The following SUSD3 variants were observed in gnomAD, a reference collection of about 807,000 sequenced individuals.
The protein encoded by SUSD3 is sushi domain-containing protein 3.
A neutral mutation model predicts 20.6 loss-of-function variants in SUSD3; 18 were observed. That is an observed-to-expected ratio of 0.87 (90% confidence interval 0.60 to 1.30). SUSD3 has a LOEUF of 1.30. Among genes scored for constraint, SUSD3 ranks in the 50% most tolerant of loss-of-function variants. The pLI is 0.00. For missense variants in SUSD3, 306 were observed against 346.9 expected, an observed-to-expected ratio of 0.88 and a Z score of 0.94; for synonymous variants, 137 against 141.5, an observed-to-expected ratio of 0.97 and a Z score of 0.23.
chr9:93,079,689 T>G lies in SUSD3; in HGVS notation c.557+87T>G, dbSNP rs1317385329. On this transcript the variant is annotated intron_variant, in intron 4 of 4. Transcript: ENST00000375472. ...CGGGCCACCTGCTGCTCCCACACGC[T>G]GAGAGCCTGCTGCTCCCACACGCCT... 3 of 1,466,570 alleles carry G rather than the reference T, an allele frequency of 2.0e-6. No homozygotes were observed. The South Asian group carries it at 3.7e-5, about 18-fold the overall frequency. 90.8% of individuals were successfully genotyped at this position (1,466,570 alleles called of 1,614,324 possible).
intron 1 of SUSD3, 137 bp downstream of exon 1, chr9:93,058,967 C>T: frequency 2.1e-6 from 1 of 477,720 alleles, no homozygotes; most frequent in Non-Finnish European, 3.3e-6. Flanking sequence ...GGACGAACCT[C>T]CTCGACCCTC....
chr9:93,077,697 C>T, intron 2 of SUSD3, 149 bp from the exon 3 acceptor site: 1 of 729,880 alleles, frequency 1.4e-6, no homozygotes. Context: ...CCTCACTGCC[C>T]CCTTACCATG....
chr9:93,071,037 A>C (rs1825889360), intron 1 of SUSD3, among the ~76,000 whole-genome samples: 1 of 152,192 alleles, frequency 6.6e-6, no homozygotes, highest in Non-Finnish European at 1.5e-5. Flanking sequence ...ACAAATCCAC[A>C]AGAAAACAGT....
chr9:93,075,700 C>T (rs1477139884), intron 1 of SUSD3, 84 bp from the exon 2 acceptor site: 4 of 904,868 alleles, frequency 4.4e-6, no homozygotes, highest in Non-Finnish European at 5.0e-6. Flanking sequence ...TGTGCCAGCT[C>T]CTCACTCCAG....
At chr9:93,065,453 G>A (rs947939788) in intron 1 of SUSD3, among the ~76,000 whole-genome samples, 16 of 152,192 alleles carry the variant, frequency 1.1e-4, no homozygotes, top group Non-Finnish European at 2.1e-4. Flanking sequence ...CCTCCCATCC[G>A]CCAACGGCTA....
chr9:93,073,269 C>T lies in SUSD3; in HGVS notation c.89-2515C>T, dbSNP rs1364196452. Among the ~76,000 whole-genome samples the T allele has an allele frequency of 2.7e-3, 361 of 132,740 alleles. 1 individual carries two copies. Among genetic ancestry groups the T allele is most frequent in the African/African-American group, 9.8e-3 (338 of 34,644 alleles). The allele number at this position is 132,740 out of a possible 152,430, so 87.1% of individuals were successfully genotyped here. On this transcript the variant is annotated intron_variant, in intron 1 of 4. Coordinates refer to ENST00000375472, the MANE Select transcript of SUSD3 (RefSeq NM_145006.4). ...CTTTTTTTTTTTTTTTTTTTTGAGA[C>T]GGAGTCTCGCTCTGTCGCCCAGGCT...
At chr9:93,067,029 T>C (rs1825745195) in intron 1 of SUSD3, among the ~76,000 whole-genome samples, 1 of 152,198 alleles carries the variant, frequency 6.6e-6, no homozygotes, top group Non-Finnish European at 1.5e-5. Context: ...TTTTATAATG[T>C]TTTTAATCAC....
chr9:93,080,849 A>C (rs1263652973), intron 4 of SUSD3, among the ~76,000 whole-genome samples: 1 of 152,236 alleles, frequency 6.6e-6, no homozygotes, highest in East Asian at 1.9e-4. Flanking sequence ...ATCAGGGATG[A>C]GGATGAGCTG....
At chr9:93,063,612 C>T (rs1825589552) in intron 1 of SUSD3, among the ~76,000 whole-genome samples, 1 of 152,276 alleles carries the variant, frequency 6.6e-6, no homozygotes. Context: ...CCTCCCTGTG[C>T]CCCCTTGGCT....
chr9:93,074,753 T>C (rs527928487), intron 1 of SUSD3, among the ~76,000 whole-genome samples: 1 of 151,660 alleles, frequency 6.6e-6, no homozygotes, highest in South Asian at 2.1e-4. Context: ...TAGCTGGAAT[T>C]ACAGGCACAT....
intron 1 of SUSD3, among the ~76,000 whole-genome samples, chr9:93,064,262 G>A (rs1825621045): frequency 1.3e-5 from 2 of 152,204 alleles, no homozygotes; most frequent in Non-Finnish European, 2.9e-5. Context: ...TGGCCAGGAT[G>A]GTCTTGATCT....
At chr9:93,079,363 C>CTGCACTGGTCCTGCAGACGG (rs1395959418) in intron 3 of SUSD3, 108 bp from the exon 4 acceptor site, 7 of 1,274,320 alleles carry the variant, frequency 5.5e-6, no homozygotes, top group South Asian at 1.4e-5. Flanking sequence ...GTTTGCCAGC[C>CTGCACTGGTCCTGCAGACGG]TGCACTGGTC....
At chr9:93,075,750 C>T (rs747285690) in intron 1 of SUSD3, 34 bp from the exon 2 acceptor site, 11 of 230,192 alleles carry the variant, frequency 4.8e-5, no homozygotes, top group African/African-American at 2.3e-4. Flanking sequence ...ACCCCCCCCC[C>T]CCCGCCATGC....
rs752269045 is a variant in SUSD3, at chr9:93,079,612, G to A, written c.557+10G>A. ...ACCACAGCTTCACCACGTGAGCCCGGGTCTGGGTAGGGGACATGCTGGGGG... is the reference window on the plus strand; with the variant it reads ...ACCACAGCTTCACCACGTGAGCCCGAGTCTGGGTAGGGGACATGCTGGGGG... On this transcript the variant is annotated intron_variant, in intron 4 of 4. Coordinates refer to ENST00000375472, the MANE Select transcript of SUSD3 (RefSeq NM_145006.4). The A allele has an allele frequency of 6.2e-7, 1 of 1,613,144 alleles. No homozygotes were observed. The highest frequency in any genetic ancestry group is 1.1e-5 in the South Asian group (1 of 91,022).
chr9:93,074,418 C>A (rs1826038223), intron 1 of SUSD3, among the ~76,000 whole-genome samples: 1 of 107,064 alleles, frequency 9.3e-6, no homozygotes, highest in East Asian at 2.8e-4. Context: ...GGCGACAGGG[C>A]AAGACTCTGA....
chr9:93,080,837 C>G (rs753254269), intron 4 of SUSD3, among the ~76,000 whole-genome samples: 13 of 152,266 alleles, frequency 8.5e-5, no homozygotes, highest in Non-Finnish European at 1.3e-4. Flanking sequence ...GACATTCCTT[C>G]TATCAGGGAT....
intron 1 of SUSD3, among the ~76,000 whole-genome samples, chr9:93,059,313 T>A (rs1825414847): frequency 6.6e-6 from 1 of 152,164 alleles, no homozygotes; most frequent in East Asian, 1.9e-4. Flanking sequence ...ATGGAGAAAC[T>A]GAGCCTGCGA....
chr9:93,073,137 G>T (rs189827536), intron 1 of SUSD3, among the ~76,000 whole-genome samples: 1 of 152,092 alleles, frequency 6.6e-6, no homozygotes, highest in Non-Finnish European at 1.5e-5. Context: ...TGCCTGTGCC[G>T]AGGGAGACAG....
At chr9:93,062,170 C>T (rs1825532714) in intron 1 of SUSD3, among the ~76,000 whole-genome samples, 1 of 152,214 alleles carries the variant, frequency 6.6e-6, no homozygotes, top group South Asian at 2.1e-4. Flanking sequence ...AGCAGGTGGC[C>T]AGGCAGAGGC....
Sources: gnomAD v4.1 joint callset for allele counts (sites outside exome capture counted in the v4.1 genomes callset) on GRCh38, gnomAD v4.1.1 for gene constraint, MANE v1.5 for transcripts, NCBI Gene and HGNC (gene_info 2026-07-23, HGNC 2026-07-21) for gene names.